The following THBS2 variants were observed in gnomAD, a reference collection of about 807,000 sequenced individuals.
The protein encoded by THBS2 is thrombospondin 2.
THBS2 carries 47 observed loss-of-function variants against 135.2 expected under a neutral mutation model. The ratio of observed to expected loss-of-function variants is 0.35; its 90% confidence interval spans 0.28 to 0.44. The LOEUF (loss-of-function observed/expected upper bound fraction) is 0.44, where lower values mean the gene tolerates loss of function less well. Among genes scored for constraint, THBS2 ranks in the 20% least tolerant of loss-of-function variants. The pLI, the probability that THBS2 is intolerant of heterozygous loss-of-function variation, is 1.00. For synonymous variants in THBS2, 639 were observed against 633.8 expected (o/e 1.01, Z -0.12); for missense variants, 1,288 against 1,603.1 (o/e 0.80, Z 3.36).
chr6:169,226,235 C>G lies in THBS2; in HGVS notation c.2483G>C (p.Gly828Ala). ...GTCACAGTGATCCCCCACACCGTCACCATCCGTGTCCCTCTGGTCAGTGTT... is the reference window on the plus strand; with the variant it reads ...GTCACAGTGATCCCCCACACCGTCAGCATCCGTGTCCCTCTGGTCAGTGTT... ...VYNTDQRDTD[G>A]DGVGDHCDNC... Residue 828 changes from glycine to alanine, a missense_variant, in exon 16 of 22, where the codon GGT becomes GCT. Physicochemically the swap from Gly to Ala is moderately conservative, Grantham distance 60. Around this residue, in one of 2 missense-constraint regions of THBS2, gnomAD observed 874 missense variants for 1,156.1 expected, o/e 0.76. Coordinates refer to ENST00000617924, the MANE Select transcript of THBS2 (RefSeq NM_003247.5). 2 of 1,614,160 alleles carry G rather than the reference C, an allele frequency of 1.2e-6. No homozygotes were observed. Among genetic ancestry groups the G allele is most frequent in the Non-Finnish European group, 1.7e-6 (2 of 1,180,010 alleles).
chr6:169,243,983 A>C lies in THBS2; in HGVS notation c.695-2025T>G, dbSNP rs986459518. On this transcript the variant is annotated intron_variant, in intron 4 of 21. Transcript: ENST00000617924. The stretch of plus-strand genomic sequence containing the variant: ...AAGACCAATTTTCCTTAAGTCTGAC[A>C]TAACCAGTGAAGAAGAAGTCTTTGT... 2.0e-5 allele frequency among the ~76,000 whole-genome samples: 3 copies of C among 152,128 alleles called. No homozygotes were observed. The South Asian group carries it at 6.2e-4, about 32-fold the overall frequency.
At chr6:169,248,020 T>A (rs778694298) in intron 3 of THBS2, among the ~76,000 whole-genome samples, 1 of 150,652 alleles carries the variant, frequency 6.6e-6, no homozygotes, top group African/African-American at 2.4e-5. Context: ...CACATGCATG[T>A]GTATGTGGTG....
intron 2 of THBS2, among the ~76,000 whole-genome samples, chr6:169,250,417 G>A (rs544926737): frequency 9.2e-5 from 14 of 152,292 alleles, no homozygotes; most frequent in Admixed American, 2.0e-4. Context: ...ATATTTAAAG[G>A]AGGAAGAAAG....
chr6:169,217,115 T>C lies in THBS2; in HGVS notation c.*707A>G, dbSNP rs1048503193. ...ACATCTGGAACCGCGTCACACCCAT[T>C]TGCAAGGATGTTTGTTCTTTGATGA... On this transcript the variant is annotated 3_prime_UTR_variant, in exon 22 of 22. Coordinates refer to ENST00000617924, the MANE Select transcript of THBS2 (RefSeq NM_003247.5). 3.3e-5 allele frequency: 5 copies of C among 152,246 alleles called. No homozygotes were observed. The highest frequency in any genetic ancestry group is 1.2e-4 in the African/African-American group (5 of 41,460). The allele number at this position is 152,246 out of a possible 1,614,324, so 9.4% of individuals were successfully genotyped here.
At position 169,252,265 on chromosome 6, in the gene THBS2, G is replaced by A. The variant is rs1780781959; in HGVS notation, c.-23+1459C>T. On this transcript the variant is annotated intron_variant, in intron 1 of 21. Transcript: ENST00000617924. This position sits in a 1 kb window ranked among gnomAD's most constrained non-coding sequence, Gnocchi z 4.3. ...CTTAAGAGGGTTTAATGACAGGAGC[G>A]AACACTTGGCCATGAGCTTAGAACA... 6.6e-6 allele frequency: 1 copy of A among 152,158 alleles called. No individual in the cohort carries two copies. The highest frequency in any genetic ancestry group is 1.5e-5 in the Non-Finnish European group (1 of 68,064). The allele number at this position is 152,158 out of a possible 1,614,324, so 9.4% of individuals were successfully genotyped here. A position where few individuals can be genotyped will look rare whatever the true frequency, so the allele number is the denominator to read the frequency against.
In THBS2 at chr6:169,223,180, G is replaced by C. The variant is rs548305359; in HGVS notation, c.3001+68C>G. 852 of 1,448,396 alleles carry C rather than the reference G, an allele frequency of 5.9e-4. 1 individual carries two copies. The highest frequency in any genetic ancestry group is 5.9e-4 in the Non-Finnish European group (620 of 1,052,136). 89.7% of individuals were successfully genotyped at this position (1,448,396 alleles called of 1,614,324 possible). A position where few individuals can be genotyped will look rare whatever the true frequency, so the allele number is the denominator to read the frequency against. ...CCCACCTGCATGATCTTAAAGTGCA[G>C]TCTGCATCTTCTGTGGGCGCCTCCC... On this transcript the variant is annotated intron_variant, in intron 18 of 21. Transcript: ENST00000617924.
rs7454547 is a variant in THBS2 at position 169,239,816 on chromosome 6, A to G, written c.1033-121T>C. ...ATGTTTTCCATCCTACGGACCATAC[A>G]TTACAGAGATGTGAAAATAAGGGCA... On this transcript the variant is annotated intron_variant, in intron 6 of 21. Transcript: ENST00000617924. 6.7e-4 allele frequency: 487 copies of G among 724,406 alleles called. No homozygotes were observed. In the African/African-American group the frequency reaches 7.2e-3, roughly 11 times the overall value. 44.9% of individuals were successfully genotyped at this position (724,406 alleles called of 1,614,324 possible). A position where few individuals can be genotyped will look rare whatever the true frequency, so the allele number is the denominator to read the frequency against.
At chr6:169,234,284 C>T (rs1779953265) in intron 10 of THBS2, among the ~76,000 whole-genome samples, 1 of 150,644 alleles carries the variant, frequency 6.6e-6, no homozygotes, top group African/African-American at 2.4e-5. Context: ...TGCTATGTTC[C>T]CAGCCACACA....
intron 21 of THBS2, 115 bp from the exon 22 acceptor site, chr6:169,217,944 T>TATCA (rs1219593748): frequency 9.9e-7 from 1 of 1,010,118 alleles, no homozygotes. Flanking sequence ...AGATGAGATC[T>TATCA]ATCATATGGA....
rs1230358907 is a variant in THBS2, at chr6:169,241,009, G to A, written c.892-417C>T. Among the ~76,000 whole-genome samples, 2 of 149,112 alleles carry A rather than the reference G, an allele frequency of 1.3e-5. No homozygotes were observed. Among genetic ancestry groups the A allele is most frequent in the Non-Finnish European group, 3.0e-5 (2 of 67,716 alleles). ...GCCACCCTCCCTGCCCCGGTCTCCT[G>A]CCATCGACCCCCTCCCTGCCCCAGG... is the stretch of plus-strand genomic sequence containing the variant. On this transcript the variant is annotated intron_variant, in intron 5 of 21. Coordinates refer to ENST00000617924, the MANE Select transcript of THBS2 (RefSeq NM_003247.5). The surrounding 1 kb of genome is among the most constrained non-coding windows in gnomAD (Gnocchi z 5.5).
chr6:169,235,411 T>C (rs1779997486), intron 9 of THBS2, among the ~76,000 whole-genome samples: 1 of 151,816 alleles, frequency 6.6e-6, no homozygotes, highest in African/African-American at 2.4e-5. Flanking sequence ...AAGCCTGGTA[T>C]GACACCGAAT....
chr6:169,219,262 G>A (rs369615859), intron 21 of THBS2, among the ~76,000 whole-genome samples: 4 of 84,936 alleles, frequency 4.7e-5, no homozygotes, highest in East Asian at 3.7e-4. Flanking sequence ...AGGTGGATGG[G>A]TGGGTGGATG....
intron 13 of THBS2, among the ~76,000 whole-genome samples, chr6:169,231,678 G>A (rs1459519345): frequency 6.6e-6 from 1 of 152,198 alleles, no homozygotes; most frequent in Non-Finnish European, 1.5e-5. Context: ...GCGTGGAGCC[G>A]GCGTCCTCCC....
intron 17 of THBS2, 22 bp downstream of exon 17, chr6:169,225,123 C>T (rs1196960928): frequency 1.2e-6 from 2 of 1,611,588 alleles, no homozygotes; most frequent in Admixed American, 1.7e-5. Context: ...CCTCCACGCC[C>T]ATGAGCTGAG....
chr6:169,224,902 C>T (rs1779565020), intron 17 of THBS2, among the ~76,000 whole-genome samples: 1 of 152,210 alleles, frequency 6.6e-6, no homozygotes. Context: ...TTCTCCTCCT[C>T]CCGACGTGCA....
chr6:169,237,274 A>G lies in THBS2; in HGVS notation c.1373T>C (p.Ile458Thr). ...GGAGTTGCAGAGACGGATGCGTGTG[A>G]TATTGCCAACTCCACAGGTCACAGA... ...SCSVTCGVGN[I>T]TRIRLCNSPV... The change falls in exon 9 of 22, where the codon ATC becomes ACC. Residue 458 changes from isoleucine (I) to threonine (T), a missense_variant. This residue lies in a region of THBS2 where 874 missense variants were observed against 1,156.1 expected (regional missense o/e 0.76). Coordinates refer to ENST00000617924, the MANE Select transcript of THBS2 (RefSeq NM_003247.5). 6.2e-7 allele frequency: 1 copy of G among 1,613,504 alleles called. No individual in the cohort carries two copies. Among genetic ancestry groups the G allele is most frequent in the South Asian group, 1.1e-5 (1 of 91,080 alleles).
rs1259128979 is a variant in THBS2, at chr6:169,217,741, A to C, written c.*81T>G. 7 of 1,504,480 alleles carry C rather than the reference A, an allele frequency of 4.7e-6. No individual in the cohort carries two copies. Among genetic ancestry groups the C allele is most frequent in the Middle Eastern group, 1.8e-4 (1 of 5,440 alleles). 93.2% of individuals were successfully genotyped at this position (1,504,480 alleles called of 1,614,324 possible). A position where few individuals can be genotyped will look rare whatever the true frequency, so the allele number is the denominator to read the frequency against. ...GACAGGAGGTGCTGCTAGAGAGAGAAGCCACAAGGACCACAATGAACTGAG... is the reference window on the plus strand; with the variant it reads ...GACAGGAGGTGCTGCTAGAGAGAGACGCCACAAGGACCACAATGAACTGAG... On this transcript the variant is annotated 3_prime_UTR_variant, in exon 22 of 22. Coordinates refer to ENST00000617924, the MANE Select transcript of THBS2 (RefSeq NM_003247.5).
At chr6:169,253,240 C>T (rs73240190) in intron 1 of THBS2, among the ~76,000 whole-genome samples, 3,505 of 152,168 alleles carry the variant, frequency 0.023, 128 homozygotes, top group African/African-American at 0.079. Context: ...ATAATGTTAA[C>T]GATCAGAGTC....
chr6:169,218,176 T>G, intron 21 of THBS2, among the ~76,000 whole-genome samples: 1 of 140,820 alleles, frequency 7.1e-6, no homozygotes, highest in East Asian at 2.2e-4. Context: ...GGTGGATGGA[T>G]GGATGAGTGG....
Sources: gnomAD v4.1 joint callset for allele counts (sites outside exome capture counted in the v4.1 genomes callset) on GRCh38, gnomAD v4.1.1 for gene constraint, gnomAD v4.1.1 regional missense constraint, Gnocchi (gnomAD v3.1) non-coding constraint, MANE v1.5 for transcripts, NCBI Gene and HGNC (gene_info 2026-07-23, HGNC 2026-07-21) for gene names.